The following GNA12 variants were observed in gnomAD, a reference collection of about 807,000 sequenced individuals.
GNA12 encodes guanine nucleotide-binding protein subunit alpha-12.
GNA12 carries 9 observed loss-of-function variants against 26.0 expected under a neutral mutation model. That is an observed-to-expected ratio of 0.35 (90% CI 0.21 to 0.60). The LOEUF (loss-of-function observed/expected upper bound fraction) is 0.60, where lower values mean the gene tolerates loss of function less well. Ranked by LOEUF, GNA12 falls within the 20% of genes least tolerant of loss-of-function variation. The probability of loss-of-function intolerance (pLI) is 0.78; values close to 1 mark genes in which losing one functional copy is unlikely to be tolerated. For missense variants in GNA12, 405 were observed against 525.8 expected (o/e 0.77, Z 2.25); for synonymous variants, 264 against 219.6 (o/e 1.20, Z -1.79).
At chr7:2,773,869 G>A (rs566103407) in intron 2 of GNA12, among the ~76,000 whole-genome samples, 2 of 152,256 alleles carry the variant, frequency 1.3e-5, no homozygotes, top group Middle Eastern at 3.4e-3. Flanking sequence ...CTACCCGGAC[G>A]CCCATCACCA....
intron 2 of GNA12, among the ~76,000 whole-genome samples, chr7:2,776,777 T>C (rs1792088349): frequency 1.3e-5 from 2 of 152,104 alleles, no homozygotes; most frequent in African/African-American, 2.4e-5. Flanking sequence ...AGCAAGAAAC[T>C]GTACTGTTTT....
intron 2 of GNA12, among the ~76,000 whole-genome samples, chr7:2,756,747 T>G (rs1356665770): frequency 6.6e-6 from 1 of 152,180 alleles, no homozygotes; most frequent in Non-Finnish European, 1.5e-5. Flanking sequence ...GGAAGGGACC[T>G]GAGAATATGA....
chr7:2,831,941 G>A (rs1778687116), intron 1 of GNA12, among the ~76,000 whole-genome samples: 1 of 152,168 alleles, frequency 6.6e-6, no homozygotes, highest in South Asian at 2.1e-4. Context: ...CAAGGGTTTT[G>A]CCTGGAATAC....
In GNA12 at chr7:2,729,472, ACT is replaced by A. The variant is rs1055219227; in HGVS notation, c.*1707_*1708del. ...AAAAGGAGCCACAAGCCCAGCAAAC[ACT>A]GACACACAGCCTCGAGCACTGCGAG... On this transcript the variant is annotated 3_prime_UTR_variant, in exon 4 of 4. Transcript: ENST00000275364. 1 of 152,426 alleles carries A rather than the reference ACT, an allele frequency of 6.6e-6. No homozygotes were observed. The highest frequency in any genetic ancestry group is 2.4e-5 in the African/African-American group (1 of 41,450). 9.4% of individuals were successfully genotyped at this position (152,426 alleles called of 1,614,324 possible).
chr7:2,787,476 C>T (rs112886585), intron 2 of GNA12, among the ~76,000 whole-genome samples: 67 of 152,326 alleles, frequency 4.4e-4, no homozygotes, highest in African/African-American at 1.3e-3. Flanking sequence ...CTCTGGAGCA[C>T]GAAGCCTGCT....
intron 1 of GNA12, among the ~76,000 whole-genome samples, chr7:2,809,796 A>T (rs1357507025): frequency 1.3e-5 from 2 of 152,164 alleles, no homozygotes; most frequent in African/African-American, 2.4e-5. Flanking sequence ...GTAAATATGT[A>T]AATATTTATG....
intron 1 of GNA12, among the ~76,000 whole-genome samples, chr7:2,809,136 G>A (rs1171294827): frequency 1.3e-5 from 2 of 152,124 alleles, no homozygotes; most frequent in African/African-American, 2.4e-5. Context: ...CCCGCCTTCA[G>A]AGTCCACTCA....
Position 2,730,574 on chromosome 7 carries a change from C to G in GNA12, c.*607G>C, listed in dbSNP as rs1789837442. The G allele has an allele frequency of 6.6e-6, 1 of 152,520 alleles. No individual in the cohort carries two copies. Among genetic ancestry groups the G allele is most frequent in the Non-Finnish European group, 1.5e-5 (1 of 68,226 alleles). The allele number at this position is 152,520 out of a possible 1,614,324, so 9.4% of individuals were successfully genotyped here. On this transcript the variant is annotated 3_prime_UTR_variant, in exon 4 of 4. Coordinates refer to ENST00000275364, the MANE Select transcript of GNA12 (RefSeq NM_007353.3). Reference sequence around the variant, plus strand: ...TCATCTGAGAGGCTTGGACTAGGGGCTCTTAGGAAATCGGCACGGGAGTTT... The same window carrying G: ...TCATCTGAGAGGCTTGGACTAGGGGGTCTTAGGAAATCGGCACGGGAGTTT...
At chr7:2,808,914 G>A (rs1008677152) in intron 1 of GNA12, among the ~76,000 whole-genome samples, 3 of 152,144 alleles carry the variant, frequency 2.0e-5, no homozygotes, top group African/African-American at 7.2e-5. Context: ...CCTCACTTCT[G>A]CCTCAGGCCT....
chr7:2,733,061 C>A (rs1172605127), intron 3 of GNA12, among the ~76,000 whole-genome samples: 1 of 152,200 alleles, frequency 6.6e-6, no homozygotes, highest in Non-Finnish European at 1.5e-5. Flanking sequence ...CTAAAATATT[C>A]TCTGCATTTG....
At chr7:2,843,794 GC>G (rs1779080657) in intron 1 of GNA12, 58 bp downstream of exon 1, 1 of 960,958 alleles carries the variant, frequency 1.0e-6, no homozygotes, top group Non-Finnish European at 1.4e-6. Flanking sequence ...GGGGCCCGGG[GC>G]GGGGGTTAGC....
chr7:2,757,582 G>A (rs767399493), intron 2 of GNA12, among the ~76,000 whole-genome samples: 2 of 152,176 alleles, frequency 1.3e-5, no homozygotes, highest in East Asian at 1.9e-4. Context: ...GCGAGGTTCC[G>A]AGCAGAGCAC....
chr7:2,759,357 C>CAG (rs1562411475), intron 2 of GNA12, among the ~76,000 whole-genome samples: 2 of 152,148 alleles, frequency 1.3e-5, no homozygotes, highest in Non-Finnish European at 2.9e-5. Flanking sequence ...TGTGCCTGCA[C>CAG]TGTTCTAAGG....
chr7:2,774,850 A>G (rs902619939), intron 2 of GNA12, among the ~76,000 whole-genome samples: 9 of 152,126 alleles, frequency 5.9e-5, no homozygotes, highest in Non-Finnish European at 1.2e-4. Context: ...TGTGTTACTG[A>G]GCCACCTTCT....
At chr7:2,735,906 G>C (rs1464956129) in intron 2 of GNA12, among the ~76,000 whole-genome samples, 1 of 152,082 alleles carries the variant, frequency 6.6e-6, no homozygotes, top group Non-Finnish European at 1.5e-5. Flanking sequence ...AGGGAAGAAG[G>C]GGACACAGAG....
At chr7:2,837,009 G>A (rs1325422649) in intron 1 of GNA12, among the ~76,000 whole-genome samples, 1 of 152,190 alleles carries the variant, frequency 6.6e-6, no homozygotes, top group African/African-American at 2.4e-5. Flanking sequence ...GGAATTGAGG[G>A]GGAAATTGAT....
chr7:2,841,579 C>CT (rs58189690), intron 1 of GNA12, among the ~76,000 whole-genome samples: 7,080 of 152,192 alleles, frequency 0.047, 588 homozygotes, highest in African/African-American at 0.16. Flanking sequence ...CACCGAGAGG[C>CT]TTGGAAAGAG....
At chr7:2,796,283 A>G (rs1313826356) in intron 1 of GNA12, among the ~76,000 whole-genome samples, 2 of 152,238 alleles carry the variant, frequency 1.3e-5, no homozygotes, top group Non-Finnish European at 2.9e-5. Context: ...ACAGTAAGAG[A>G]TTAATAATAG....
chr7:2,731,464 T>C lies in GNA12; in HGVS notation c.863A>G (p.Asn288Ser), dbSNP rs1789890488. The C allele has an allele frequency of 4.3e-6, 7 of 1,613,922 alleles. No individual in the cohort carries two copies. The highest frequency in any genetic ancestry group is 5.1e-6 in the Non-Finnish European group (6 of 1,179,922). ...GTTGAGGAAGAGAATGATGGAGACG[T>C]TGAAGAAGAGCTTGTTGTTGACGAT... ...ETIVNNKLFF[N>S]VSIILFLNKM... is the part of the protein sequence containing the mutation. Residue 288 changes from asparagine to serine, a missense_variant, in exon 4 of 4, where the codon AAC becomes AGC. Asn to Ser is a conservative substitution (Grantham distance 46). Transcript: ENST00000275364. This position sits in a 1 kb window ranked among gnomAD's most constrained non-coding sequence, Gnocchi z 6.0.
Sources: allele counts gnomAD v4.1 joint callset (sites outside exome capture counted in the v4.1 genomes callset), GRCh38; gene constraint gnomAD v4.1.1; non-coding constraint Gnocchi (gnomAD v3.1); transcripts MANE v1.5; gene names NCBI Gene and HGNC (gene_info 2026-07-23, HGNC 2026-07-21).